Variants in RASA3 observed in about 807,000 individuals in gnomAD.
RASA3 encodes ras GTPase-activating protein 3.
In RASA3, 73 loss-of-function variants were observed where a neutral mutation model predicts 110.0. That is an observed-to-expected ratio of 0.66 (90% CI 0.55 to 0.81). The LOEUF (loss-of-function observed/expected upper bound fraction) is 0.81. RASA3 is among the 30% of genes least tolerant of loss of function. The pLI, the probability that RASA3 is intolerant of heterozygous loss-of-function variation, is 0.00. For missense variants in RASA3, 976 were observed against 1,113.2 expected (o/e 0.88, Z 1.75); for synonymous variants, 500 against 451.4 (o/e 1.11, Z -1.37).
intron 1 of RASA3, among the ~76,000 whole-genome samples, chr13:114,092,377 G>T (rs1566566634): frequency 6.6e-6 from 1 of 152,036 alleles, no homozygotes; most frequent in Admixed American, 6.6e-5. Context: ...ATTTTCATTT[G>T]TTTCAAGAAA....
chr13:114,080,051 C>T (rs2079757504), intron 1 of RASA3, among the ~76,000 whole-genome samples: 1 of 152,198 alleles, frequency 6.6e-6, no homozygotes, highest in Non-Finnish European at 1.5e-5. Context: ...TCGGCGAGGC[C>T]GTGGGAGTGG....
Position 114,011,005 on chromosome 13 carries a change from G to C in RASA3, c.1590+166C>G, listed in dbSNP as rs539445322. Among the ~76,000 whole-genome samples the C allele has an allele frequency of 6.6e-6, 1 of 152,248 alleles. No individual in the cohort carries two copies. The highest frequency in any genetic ancestry group is 6.5e-5 in the Admixed American group (1 of 15,296). Reference sequence around the variant, plus strand: ...TTAGGAGGGGAGAGGTGAGCGGGACGGGGACGCTCAGGTCCTGGGTTTCAA... The same window carrying C: ...TTAGGAGGGGAGAGGTGAGCGGGACCGGGACGCTCAGGTCCTGGGTTTCAA... On this transcript the variant is annotated intron_variant, in intron 16 of 23. Transcript: ENST00000334062. This position sits in a 1 kb window ranked among gnomAD's most constrained non-coding sequence, Gnocchi z 4.8.
intron 10 of RASA3, among the ~76,000 whole-genome samples, chr13:114,018,461 C>T (rs7321364): frequency 4.8e-4 from 73 of 152,260 alleles, no homozygotes; most frequent in African/African-American, 1.7e-3. Context: ...CTTCTAGCGA[C>T]CCCCCCATGC....
intron 8 of RASA3, among the ~76,000 whole-genome samples, chr13:114,022,208 C>T (rs1269720573): frequency 6.6e-6 from 1 of 152,222 alleles, no homozygotes; most frequent in Non-Finnish European, 1.5e-5. Context: ...TGTGAAGCTT[C>T]TGCTCATGTC....
intron 18 of RASA3, among the ~76,000 whole-genome samples, chr13:114,001,892 G>A (rs1283016497): frequency 1.3e-5 from 2 of 152,266 alleles, no homozygotes; most frequent in African/African-American, 4.8e-5. Context: ...GCCCTGCTGT[G>A]GTAGAAGGCG....
rs554724148 is a variant in RASA3, at chr13:113,995,840, G to GA, written c.2141+690_2141+691insT. Among the ~76,000 whole-genome samples, 25 of 54,076 alleles carry GA rather than the reference G, an allele frequency of 4.6e-4. 4 individuals are homozygous for GA. The highest frequency in any genetic ancestry group is 6.6e-4 in the Non-Finnish European group (19 of 28,948). 35.5% of individuals were successfully genotyped at this position (54,076 alleles called of 152,430 possible). A position where few individuals can be genotyped will look rare whatever the true frequency, so the allele number is the denominator to read the frequency against. The stretch of plus-strand genomic sequence containing the variant: ...TGACGGGGGGCCCGGCTGACGGGGG[G>GA]CCCGGCTGACGGGGGGCCCGGCTGA... On this transcript the variant is annotated intron_variant, in intron 21 of 23. Coordinates refer to ENST00000334062, the MANE Select transcript of RASA3 (RefSeq NM_007368.4).
chr13:113,995,755 A>AT (rs2053225729), intron 21 of RASA3, among the ~76,000 whole-genome samples: 1 of 26,458 alleles, frequency 3.8e-5, no homozygotes, highest in Admixed American at 3.8e-4. Context: ...GGCCCGGCTG[A>AT]CGGGGGCCCG....
rs1288178924 is a variant in RASA3 at position 114,057,827 on chromosome 13, G to C, written c.174-5672C>G. On this transcript the variant is annotated intron_variant, in intron 2 of 23. Transcript: ENST00000334062. This position sits in a 1 kb window ranked among gnomAD's most constrained non-coding sequence, Gnocchi z 5.0. Reference sequence around the variant, plus strand: ...CTCTGGCCAGGGCGCTCAGCACGAGGGGACCCAGAACAATGGCTTCCCTGG... The same window carrying C: ...CTCTGGCCAGGGCGCTCAGCACGAGCGGACCCAGAACAATGGCTTCCCTGG... Among the ~76,000 whole-genome samples the C allele has an allele frequency of 6.6e-6, 1 of 152,200 alleles. No homozygotes were observed. The highest frequency in any genetic ancestry group is 1.5e-5 in the Non-Finnish European group (1 of 68,036).
chr13:114,110,450 T>C (rs747698385), intron 1 of RASA3, among the ~76,000 whole-genome samples: 25 of 152,246 alleles, frequency 1.6e-4, no homozygotes, highest in Non-Finnish European at 3.1e-4. Flanking sequence ...TCCGGCTCAC[T>C]GGACGGCACC....
intron 6 of RASA3, among the ~76,000 whole-genome samples, 189 bp from the exon 7 acceptor site, chr13:114,027,650 G>A (rs112481299): frequency 5.9e-5 from 9 of 152,168 alleles, no homozygotes; most frequent in Admixed American, 6.5e-5. Flanking sequence ...AATACCCAGC[G>A]TGAAGAGCAT....
chr13:114,122,526 C>A (rs935303652), intron 1 of RASA3, among the ~76,000 whole-genome samples: 3 of 152,220 alleles, frequency 2.0e-5, no homozygotes, highest in Non-Finnish European at 2.9e-5. Flanking sequence ...GCCGAACCAC[C>A]CCCAGCTCCA....
At chr13:114,033,690 C>A (rs1246863956) in intron 4 of RASA3, among the ~76,000 whole-genome samples, 1 of 152,156 alleles carries the variant, frequency 6.6e-6, no homozygotes, top group East Asian at 1.9e-4. Context: ...CACGGCACCC[C>A]CACACTTGAC....
Position 114,011,611 on chromosome 13 carries a change from G to C in RASA3, c.1513-363C>G, listed in dbSNP as rs1333976251. Among the ~76,000 whole-genome samples, 1 of 152,122 alleles carries C rather than the reference G, an allele frequency of 6.6e-6. No individual in the cohort carries two copies. Among genetic ancestry groups the C allele is most frequent in the Non-Finnish European group, 1.5e-5 (1 of 68,014 alleles). On this transcript the variant is annotated intron_variant, in intron 15 of 23. Transcript: ENST00000334062. The surrounding 1 kb of genome is among the most constrained non-coding windows in gnomAD (Gnocchi z 4.8). ...CTGGGGCTCATCTCAGCCTTCACAG[G>C]GTTTGAAGGTTCAACTCAGAAGTGC... is the stretch of plus-strand genomic sequence containing the variant.
chr13:114,033,780 A>G (rs1333632525), intron 4 of RASA3, among the ~76,000 whole-genome samples: 1 of 152,178 alleles, frequency 6.6e-6, no homozygotes, highest in African/African-American at 2.4e-5. Flanking sequence ...TGCTGTCCTG[A>G]GACTCTGGGG....
At chr13:113,980,050 CTCCTGTGTGCACCTCCTCCCA>C in intron 23 of RASA3, among the ~76,000 whole-genome samples, 1 of 77,936 alleles carries the variant, frequency 1.3e-5, no homozygotes. Context: ...CTCTGTGTGC[CTCCTGTGTGCACCTCCTCCCA>C]TGTGTGTGCA....
intron 1 of RASA3, among the ~76,000 whole-genome samples, chr13:114,074,206 C>T (rs986470254): frequency 6.6e-6 from 1 of 152,228 alleles, no homozygotes; most frequent in Non-Finnish European, 1.5e-5. Flanking sequence ...AGTTGTGCAA[C>T]CATCACCACC....
intron 1 of RASA3, among the ~76,000 whole-genome samples, chr13:114,121,591 A>G (rs1381928099): frequency 2.0e-5 from 3 of 152,198 alleles, no homozygotes; most frequent in East Asian, 1.9e-4. Flanking sequence ...TCCGAGGAAC[A>G]TAAGGATGCG....
chr13:114,066,495 G>A (rs1006095700), intron 2 of RASA3, among the ~76,000 whole-genome samples: 1 of 152,166 alleles, frequency 6.6e-6, no homozygotes, highest in African/African-American at 2.4e-5. Context: ...CGGCCCCCTC[G>A]TGACAGGCCC....
intron 1 of RASA3, among the ~76,000 whole-genome samples, chr13:114,110,170 G>A (rs1313640742): frequency 1.3e-5 from 2 of 152,180 alleles, no homozygotes; most frequent in Non-Finnish European, 1.5e-5. Context: ...GAAATGCTCA[G>A]AATAAAACAA....
Sources: allele counts gnomAD v4.1 joint callset (sites outside exome capture counted in the v4.1 genomes callset), GRCh38; gene constraint gnomAD v4.1.1; non-coding constraint Gnocchi (gnomAD v3.1); transcripts MANE v1.5; gene names NCBI Gene and HGNC (gene_info 2026-07-23, HGNC 2026-07-21).